FAM228B: variants seen among roughly 807,000 people sequenced by gnomAD.
FAM228B encodes the protein protein FAM228B.
FAM228B carries 38 observed loss-of-function variants against 42.6 expected under a neutral mutation model. The ratio of observed to expected loss-of-function variants is 0.89; its 90% CI spans 0.69 to 1.17. FAM228B has a LOEUF of 1.17. Among genes scored for constraint, FAM228B ranks in the 50% most tolerant of loss-of-function variants. The probability of loss-of-function intolerance (pLI) is 0.00; values close to 1 mark genes in which losing one functional copy is unlikely to be tolerated. For synonymous variants in FAM228B, 109 were observed against 122.3 expected (o/e 0.89, Z 0.72); for missense variants, 344 against 367.3 (o/e 0.94, Z 0.52).
chr2:24,165,353 A>T (rs2151033087), intron 9 of FAM228B: 1 of 471,086 alleles, frequency 2.1e-6, no homozygotes, highest in South Asian at 1.5e-5. Context: ...GATACATATA[A>T]AAGGACAATG....
chr2:24,165,536 C>T (rs1471520869), intron 9 of FAM228B: 17 of 460,404 alleles, frequency 3.7e-5, no homozygotes, highest in Non-Finnish European at 6.8e-5. Context: ...GTTGTCTCTG[C>T]AGCCCCCAGC....
intron 5 of FAM228B, among the ~76,000 whole-genome samples, chr2:24,145,759 C>CAGCTCTGTCGCCCA (rs1334916004): frequency 1.4e-5 from 2 of 143,742 alleles, no homozygotes; most frequent in African/African-American, 5.2e-5. Context: ...AAGTGGAGTG[C>CAGCTCTGTCGCCCA]AGTGTCGCAA....
chr2:24,083,564 C>T (rs1361519936), intron 2 of FAM228B, among the ~76,000 whole-genome samples: 1 of 152,168 alleles, frequency 6.6e-6, no homozygotes, highest in Non-Finnish European at 1.5e-5. Flanking sequence ...TGTGGCAGAA[C>T]CACCTGAGGA....
chr2:24,083,050 T>G (rs1358342451), intron 2 of FAM228B: 1 of 1,613,992 alleles, frequency 6.2e-7, no homozygotes, highest in African/African-American at 1.3e-5. Flanking sequence ...TCCCCGATCT[T>G]CCAGTGTCCC....
intron 2 of FAM228B, chr2:24,085,162 C>T (rs1364335231): frequency 6.6e-6 from 1 of 152,084 alleles, no homozygotes; most frequent in Non-Finnish European, 1.5e-5. Context: ...TCCCGCCCAT[C>T]TTGAGCATGG....
upstream of FAM228B, among the ~76,000 whole-genome samples, chr2:24,122,064 G>A (rs1666134882): frequency 6.6e-6 from 1 of 152,176 alleles, no homozygotes; most frequent in Admixed American, 6.5e-5. Flanking sequence ...GGGCACGGTG[G>A]CTCATGCCTG....
chr2:24,096,731 C>A (rs1393698535), intron 3 of FAM228B: 6 of 152,300 alleles, frequency 3.9e-5, no homozygotes, highest in African/African-American at 1.4e-4. Flanking sequence ...TCCAGGAGAA[C>A]TTCCCCAACC....
chr2:24,093,609 CAT>C (rs1004850739), intron 2 of FAM228B, among the ~76,000 whole-genome samples: 7 of 148,822 alleles, frequency 4.7e-5, no homozygotes, highest in Admixed American at 2.0e-4. Context: ...CTGCAATAAA[CAT>C]ATGTGTGCAT....
chr2:24,103,287 G>T (rs996975885), intron 3 of FAM228B, among the ~76,000 whole-genome samples: 6 of 152,208 alleles, frequency 3.9e-5, no homozygotes, highest in Admixed American at 1.3e-4. Context: ...TTTGACATCA[G>T]TCCTCAACTA....
intron 2 of FAM228B, among the ~76,000 whole-genome samples, chr2:24,127,723 C>G (rs893236137): frequency 6.6e-6 from 1 of 151,704 alleles, no homozygotes; most frequent in African/African-American, 2.4e-5. Context: ...AGTGCAGTGG[C>G]ATGATCTCAG....
At position 24,084,152 on chromosome 2, in the gene FAM228B, AGTCCCGCCC is replaced by A; in HGVS notation, c.-210+3199_-210+3207del. 1 of 1,584,402 alleles carries A rather than the reference AGTCCCGCCC, an allele frequency of 6.3e-7. No individual in the cohort carries two copies. Among genetic ancestry groups the A allele is most frequent in the Non-Finnish European group, 8.6e-7 (1 of 1,168,206 alleles). On this transcript the variant is annotated intron_variant, in intron 2 of 10. Coordinates refer to the FAM228B transcript ENST00000613899. This position sits in a 1 kb window ranked among gnomAD's most constrained non-coding sequence, Gnocchi z 8.4. ...AGTGCTGTTGAGAGGGAGGCTCTGG[AGTCCCGCCC>A]GCCCCGGCGCGGCTGAGCCCTGGGT...
At chr2:24,122,340 A>AT, upstream of FAM228B, 2 of 1,080,186 alleles carry the variant, frequency 1.9e-6, no homozygotes, top group Non-Finnish European at 1.4e-6. Flanking sequence ...AAAAAAAAAA[A>AT]GTCATGTCTG....
chr2:24,144,843 C>T (rs1666856161), intron 5 of FAM228B, among the ~76,000 whole-genome samples: 1 of 152,166 alleles, frequency 6.6e-6, no homozygotes, highest in African/African-American at 2.4e-5. Flanking sequence ...GCACAGCCAC[C>T]AGCACCCCCA....
At chr2:24,098,245 A>T (rs993569884) in intron 3 of FAM228B, among the ~76,000 whole-genome samples, 1 of 152,118 alleles carries the variant, frequency 6.6e-6, no homozygotes, top group Non-Finnish European at 1.5e-5. Flanking sequence ...AGAGCAAACA[A>T]ATTCAAAAGC....
Position 24,133,096 on chromosome 2 carries a change from A to G in FAM228B, c.100-2023A>G, listed in dbSNP as rs77492096. 5.3e-5 allele frequency among the ~76,000 whole-genome samples: 8 copies of G among 152,212 alleles called. No homozygotes were observed. In the East Asian group the frequency reaches 1.5e-3, roughly 29 times the overall value. ...TGAACCAGTTAGGCCGCATGTTTCT[A>G]TCTGAGTTTTAGCCACCTCCTTTAC... On this transcript the variant is annotated intron_variant, in intron 2 of 10. Coordinates refer to ENST00000615575, the MANE Select transcript of FAM228B (RefSeq NM_001145710.2).
intron 2 of FAM228B, among the ~76,000 whole-genome samples, chr2:24,094,532 C>T (rs1321807767): frequency 2.0e-5 from 3 of 152,008 alleles, no homozygotes; most frequent in Non-Finnish European, 4.4e-5. Flanking sequence ...TTGCTGAGGC[C>T]GGAGTAAAAT....
At position 24,146,944 on chromosome 2, in the gene FAM228B, A is replaced by G; in HGVS notation, c.544A>G (p.Ile182Val). The G allele has an allele frequency of 1.3e-6, 2 of 1,551,314 alleles. No individual in the cohort carries two copies. The highest frequency in any genetic ancestry group is 1.7e-6 in the Non-Finnish European group (2 of 1,146,732). Residue 182 changes from isoleucine to valine, a missense_variant, in exon 7 of 11, where the codon ATA becomes GTA. Transcript: ENST00000615575. The part of the protein sequence containing the change: ...LQCETGKIYS[I>V]KEFKEVEKVQ... ...TCTTCCTTCAGGCAAAATATATTCA[A>G]TAAAGGAATTCAAAGAAGTTGAGAA...
intron 3 of FAM228B, among the ~76,000 whole-genome samples, chr2:24,108,500 A>G (rs952651475): frequency 6.6e-6 from 1 of 151,754 alleles, no homozygotes; most frequent in Admixed American, 6.6e-5. Flanking sequence ...CAACAAAAAT[A>G]AAAAGAAAAG....
chr2:24,111,330 A>T (rs1665791173), intron 3 of FAM228B, among the ~76,000 whole-genome samples: 2 of 152,138 alleles, frequency 1.3e-5, no homozygotes, highest in Non-Finnish European at 2.9e-5. Flanking sequence ...GAGTGCTGGG[A>T]TTATAGGCAT....
Sources: gnomAD v4.1 joint callset for allele counts (sites outside exome capture counted in the v4.1 genomes callset) on GRCh38, gnomAD v4.1.1 for gene constraint, Gnocchi (gnomAD v3.1) non-coding constraint, MANE v1.5 for transcripts, NCBI Gene and HGNC (gene_info 2026-07-23, HGNC 2026-07-21) for gene names.